CTNNA2: variants seen among roughly 807,000 people sequenced by gnomAD.
CTNNA2 encodes catenin alpha-2.
A neutral mutation model predicts 101.0 loss-of-function variants in CTNNA2; 42 were observed. The observed-to-expected ratio is 0.42, with a 90% confidence interval of 0.32 to 0.54. The LOEUF (loss-of-function observed/expected upper bound fraction) is 0.54. Ranked by LOEUF, CTNNA2 falls within the 20% of genes least tolerant of loss-of-function variation. The probability of loss-of-function intolerance (pLI) is 0.14; values close to 1 mark genes in which losing one functional copy is unlikely to be tolerated. For synonymous variants in CTNNA2, 450 were observed against 456.4 expected (o/e 0.99, Z 0.18); for missense variants, 871 against 1,223.1 (o/e 0.71, Z 4.29).
chr2:80,347,979 A>G (rs1351153751), intron 7 of CTNNA2, among the ~76,000 whole-genome samples: 1 of 151,688 alleles, frequency 6.6e-6, no homozygotes, highest in Non-Finnish European at 1.5e-5. Flanking sequence ...TTTTATTGGT[A>G]TGGGATTCAG....
intron 7 of CTNNA2, among the ~76,000 whole-genome samples, chr2:80,218,726 G>A (rs564559660): frequency 6.6e-6 from 1 of 152,258 alleles, no homozygotes; most frequent in South Asian, 2.1e-4. Context: ...TACTTAGTAA[G>A]GACTCAATAA....
intron 9 of CTNNA2, among the ~76,000 whole-genome samples, chr2:80,531,881 C>G (rs949653881): frequency 2.0e-5 from 3 of 152,158 alleles, no homozygotes; most frequent in African/African-American, 7.2e-5. Flanking sequence ...TTAAATCTCA[C>G]CAAGTTTTCA....
chr2:80,340,784 G>T (rs1573771330), intron 7 of CTNNA2, among the ~76,000 whole-genome samples: 1 of 152,174 alleles, frequency 6.6e-6, no homozygotes, highest in East Asian at 1.9e-4. Context: ...TCTACCTGGA[G>T]CTAGCATCAG....
chr2:79,266,958 G>C lies in CTNNA2; in HGVS notation c.-405-45751G>C, dbSNP rs189819268. Among the ~76,000 whole-genome samples the C allele has an allele frequency of 8.5e-5, 13 of 152,150 alleles. No individual in the cohort carries two copies. In the East Asian group the frequency reaches 2.3e-3, roughly 27 times the overall value. The stretch of plus-strand genomic sequence containing the variant: ...GTACTCAAAATTAGACCTAATATTT[G>C]AGCTTAATATCTGATTTTAAGAATA... On this transcript the variant is annotated intron_variant, in intron 2 of 21. Coordinates refer to the CTNNA2 transcript ENST00000466387.
At chr2:80,286,761 G>T (rs1002591051) in intron 7 of CTNNA2, among the ~76,000 whole-genome samples, 27 of 152,282 alleles carry the variant, frequency 1.8e-4, no homozygotes, top group African/African-American at 6.3e-4. Context: ...TCCTTTTGCT[G>T]TATCATTGGA....
At chr2:80,344,393 CT>C (rs1672529371) in intron 7 of CTNNA2, among the ~76,000 whole-genome samples, 1 of 152,122 alleles carries the variant, frequency 6.6e-6, no homozygotes. Context: ...AAATTTATGT[CT>C]TTAACTCAAG....
intron 7 of CTNNA2, among the ~76,000 whole-genome samples, chr2:80,219,016 G>T (rs369436016): frequency 1.2e-3 from 188 of 152,140 alleles, no homozygotes; most frequent in African/African-American, 3.8e-3. Context: ...TGTGTAGACT[G>T]TACTTAGGTT....
intron 4 of CTNNA2, among the ~76,000 whole-genome samples, chr2:79,443,932 C>G (rs1027110957): frequency 6.6e-6 from 1 of 150,874 alleles, no homozygotes; most frequent in African/African-American, 2.5e-5. Context: ...CTCTCTCTCT[C>G]TCTCTCTCTG....
intron 4 of CTNNA2, among the ~76,000 whole-genome samples, chr2:79,490,950 A>G (rs1228247438): frequency 1.3e-5 from 2 of 152,172 alleles, no homozygotes; most frequent in Non-Finnish European, 2.9e-5. Flanking sequence ...TAGTAGTAGA[A>G]GTGGTTATAT....
At chr2:80,623,570 T>C (rs1453568970) in intron 18 of CTNNA2, among the ~76,000 whole-genome samples, 1 of 151,936 alleles carries the variant, frequency 6.6e-6, no homozygotes, top group African/African-American at 2.4e-5. Flanking sequence ...GAAATTCTTC[T>C]GACCATGCTG....
At chr2:80,543,116 T>A (rs1397801994) in intron 9 of CTNNA2, among the ~76,000 whole-genome samples, 2 of 152,252 alleles carry the variant, frequency 1.3e-5, no homozygotes, top group Non-Finnish European at 2.9e-5. Context: ...AGCTATTGTT[T>A]AATTTATTAA....
At chr2:80,589,256 G>T in intron 14 of CTNNA2, 48 bp from the exon 15 acceptor site, 1 of 1,591,796 alleles carries the variant, frequency 6.3e-7, no homozygotes, top group South Asian at 1.1e-5. Flanking sequence ...CATACGGTCT[G>T]TACTTCCTTT....
At chr2:80,399,619 C>G (rs1351802963) in intron 8 of CTNNA2, among the ~76,000 whole-genome samples, 2 of 152,154 alleles carry the variant, frequency 1.3e-5, no homozygotes, top group Admixed American at 6.6e-5. Context: ...GCTAATTTCT[C>G]TAGGCCCTAG....
Position 79,277,855 on chromosome 2 carries a change from AAAGTACATTTTGACCTAAT to A in CTNNA2, c.-405-34853_-405-34835del, listed in dbSNP as rs1355370560. 5.3e-5 allele frequency among the ~76,000 whole-genome samples: 8 copies of A among 152,206 alleles called. No individual in the cohort carries two copies. The East Asian group carries it at 1.6e-3, about 30-fold the overall frequency. ...ATTTACTTTATTTGCTCTAGCAAAT[AAAGTACATTTTGACCTAAT>A]CTGCATTTTTCAAACTGTGCTCCAA... On this transcript the variant is annotated intron_variant, in intron 2 of 21. Coordinates refer to the CTNNA2 transcript ENST00000466387.
At chr2:80,430,618 T>C (rs529220105) in intron 9 of CTNNA2, among the ~76,000 whole-genome samples, 1 of 152,290 alleles carries the variant, frequency 6.6e-6, no homozygotes, top group African/African-American at 2.4e-5. Context: ...ACTGGTAATA[T>C]TGCTTAGTAT....
At chr2:80,232,378 T>G (rs1231840499) in intron 7 of CTNNA2, among the ~76,000 whole-genome samples, 1 of 97,762 alleles carries the variant, frequency 1.0e-5, no homozygotes, top group Non-Finnish European at 2.2e-5. Flanking sequence ...TTTTTTTTTT[T>G]TTTTTTTTTT....
intron 4 of CTNNA2, among the ~76,000 whole-genome samples, chr2:79,459,273 G>C (rs558703893): frequency 1.3e-5 from 2 of 152,188 alleles, no homozygotes; most frequent in Admixed American, 1.3e-4. Flanking sequence ...TCTACTCATA[G>C]TTCTAGGAAC....
intron 18 of CTNNA2, among the ~76,000 whole-genome samples, chr2:80,629,172 T>C (rs1672012001): frequency 6.6e-6 from 1 of 152,066 alleles, no homozygotes; most frequent in Non-Finnish European, 1.5e-5. Context: ...TGGATAATAT[T>C]GGTGCCCTCC....
intron 7 of CTNNA2, among the ~76,000 whole-genome samples, chr2:80,382,545 A>G (rs959090624): frequency 5.3e-5 from 8 of 152,228 alleles, no homozygotes; most frequent in Non-Finnish European, 5.9e-5. Context: ...AGAGATGGCT[A>G]TAGGCACACA....
Sources: gnomAD v4.1 joint callset for allele counts (sites outside exome capture counted in the v4.1 genomes callset) on GRCh38, gnomAD v4.1.1 for gene constraint, MANE v1.5 for transcripts, NCBI Gene and HGNC (gene_info 2026-07-23, HGNC 2026-07-21) for gene names.